The following ADAMTS3 variants were observed in gnomAD, a reference collection of about 807,000 sequenced individuals.
The protein encoded by ADAMTS3 is ADAM metallopeptidase with thrombospondin type 1 motif 3.
A neutral mutation model predicts 129.0 loss-of-function variants in ADAMTS3; 73 were observed. The observed-to-expected ratio is 0.57, with a 90% CI of 0.47 to 0.69. The LOEUF (loss-of-function observed/expected upper bound fraction) is 0.69. Among genes scored for constraint, ADAMTS3 ranks in the 30% least tolerant of loss-of-function variants. ADAMTS3 has a pLI of 0.00. For synonymous variants in ADAMTS3, 477 were observed against 510.8 expected, an observed-to-expected ratio of 0.93 and a Z score of 0.89; for missense variants, 1,457 against 1,514.5, an observed-to-expected ratio of 0.96 and a Z score of 0.63.
intron 14 of ADAMTS3, among the ~76,000 whole-genome samples, chr4:72,310,174 G>A (rs1578570327): frequency 1.3e-5 from 2 of 152,148 alleles, no homozygotes; most frequent in East Asian, 3.9e-4. Flanking sequence ...TTGAATACCA[G>A]GAAGAATTTA....
At chr4:72,535,716 T>A (rs1410715205) in intron 3 of ADAMTS3, among the ~76,000 whole-genome samples, 1 of 152,072 alleles carries the variant, frequency 6.6e-6, no homozygotes, top group East Asian at 1.9e-4. Context: ...CCTTGCTGGA[T>A]GCTTGTTTTT....
intron 3 of ADAMTS3, among the ~76,000 whole-genome samples, chr4:72,421,314 C>A (rs1293484446): frequency 6.6e-6 from 1 of 152,194 alleles, no homozygotes; most frequent in East Asian, 1.9e-4. Flanking sequence ...AGGTGATTGC[C>A]TGGCCCAATT....
chr4:72,379,201 C>T (rs1370167670), intron 4 of ADAMTS3, among the ~76,000 whole-genome samples: 2 of 151,978 alleles, frequency 1.3e-5, no homozygotes, highest in African/African-American at 2.4e-5. Context: ...CTATTCAGGG[C>T]GTGTACACCT....
chr4:72,550,047 AAGAGGAAGAGGAAGAGGAAGAG>A (rs1560564157), intron 2 of ADAMTS3, among the ~76,000 whole-genome samples: 1,791 of 18,282 alleles, frequency 0.098, 430 homozygotes, highest in Admixed American at 0.15. Context: ...GAAGAAGAGG[AAGAGGAAGAGGAAGAGGAAGAG>A]GAAGAGGAAG....
chr4:72,358,423 T>C (rs976379297), intron 4 of ADAMTS3, among the ~76,000 whole-genome samples: 2 of 152,004 alleles, frequency 1.3e-5, no homozygotes, highest in African/African-American at 4.8e-5. Context: ...GAAGCACTCC[T>C]GCAGGTCCCG....
chr4:72,526,647 CAGA>C (rs1429655993), intron 3 of ADAMTS3, among the ~76,000 whole-genome samples: 2 of 140,332 alleles, frequency 1.4e-5, no homozygotes, highest in Non-Finnish European at 3.1e-5. Flanking sequence ...TCAAAATACC[CAGA>C]AGGACTTTTA....
chr4:72,519,066 G>A (rs1031953420), intron 3 of ADAMTS3, among the ~76,000 whole-genome samples: 5 of 150,270 alleles, frequency 3.3e-5, no homozygotes, highest in African/African-American at 1.2e-4. Context: ...TTGCTTGTCT[G>A]TAAAGGATTT....
At chr4:72,554,644 C>T (rs1057292777) in intron 2 of ADAMTS3, among the ~76,000 whole-genome samples, 5 of 151,818 alleles carry the variant, frequency 3.3e-5, no homozygotes, top group African/African-American at 9.7e-5. Flanking sequence ...TCAAGTCCTA[C>T]TGCTGTTTCT....
At chr4:72,440,044 C>A (rs2109959104) in intron 3 of ADAMTS3, among the ~76,000 whole-genome samples, 1 of 151,772 alleles carries the variant, frequency 6.6e-6, no homozygotes, top group East Asian at 2.0e-4. Context: ...TTTTCTACTT[C>A]AAATAGGAAT....
intron 3 of ADAMTS3, among the ~76,000 whole-genome samples, chr4:72,469,298 T>A (rs1186743062): frequency 6.6e-6 from 1 of 152,116 alleles, no homozygotes; most frequent in Non-Finnish European, 1.5e-5. Context: ...ATGGTAGTAT[T>A]CCATGGGTTG....
At chr4:72,412,815 C>T (rs902770681) in intron 4 of ADAMTS3, among the ~76,000 whole-genome samples, 2 of 152,042 alleles carry the variant, frequency 1.3e-5, no homozygotes, top group African/African-American at 2.4e-5. Context: ...TAGTTGGTGG[C>T]CTACTTCAAC....
At chr4:72,424,829 T>A (rs1578667876) in intron 3 of ADAMTS3, among the ~76,000 whole-genome samples, 3 of 152,298 alleles carry the variant, frequency 2.0e-5, no homozygotes, top group Admixed American at 2.0e-4. Context: ...CAAATCTGTA[T>A]CCTACTTGTA....
At chr4:72,310,450 A>C (rs552848039) in intron 14 of ADAMTS3, among the ~76,000 whole-genome samples, 2 of 152,098 alleles carry the variant, frequency 1.3e-5, no homozygotes, top group Non-Finnish European at 2.9e-5. Context: ...GTTTTGATGA[A>C]GTATAAAGGA....
At chr4:72,474,157 A>G (rs961901462) in intron 3 of ADAMTS3, among the ~76,000 whole-genome samples, 5 of 152,222 alleles carry the variant, frequency 3.3e-5, no homozygotes, top group Admixed American at 3.3e-4. Context: ...GTCCAGATAT[A>G]AGTCAAAAAT....
intron 3 of ADAMTS3, among the ~76,000 whole-genome samples, chr4:72,420,070 GA>G (rs200761636): frequency 5.3e-5 from 8 of 150,622 alleles, no homozygotes; most frequent in Non-Finnish European, 7.4e-5. Flanking sequence ...GTGATTTCAG[GA>G]AAAAAAAAGT....
At chr4:72,345,518 G>A (rs934340754) in intron 4 of ADAMTS3, among the ~76,000 whole-genome samples, 3 of 152,068 alleles carry the variant, frequency 2.0e-5, no homozygotes, top group African/African-American at 7.2e-5. Flanking sequence ...AAATGTTTCC[G>A]TGAAAAGGAG....
intron 3 of ADAMTS3, among the ~76,000 whole-genome samples, chr4:72,489,772 G>T (rs1719691751): frequency 6.6e-6 from 1 of 151,694 alleles, no homozygotes; most frequent in South Asian, 2.1e-4. Context: ...GCATGTATGT[G>T]CAGGAAAAAA....
At chr4:72,526,964 G>A (rs928439120) in intron 3 of ADAMTS3, among the ~76,000 whole-genome samples, 1 of 151,910 alleles carries the variant, frequency 6.6e-6, no homozygotes, top group African/African-American at 2.4e-5. Flanking sequence ...TTTCTAATCT[G>A]TAAGTGGCAA....
At chr4:72,461,117 CG>C (rs770064392) in intron 3 of ADAMTS3, among the ~76,000 whole-genome samples, 4 of 151,540 alleles carry the variant, frequency 2.6e-5, no homozygotes, top group Non-Finnish European at 3.0e-5. Context: ...GCTCCCAATA[CG>C]GGAGTCTCAT....
Sources: gnomAD v4.1 joint callset for allele counts (sites outside exome capture counted in the v4.1 genomes callset) on GRCh38, gnomAD v4.1.1 for gene constraint, MANE v1.5 for transcripts, NCBI Gene and HGNC (gene_info 2026-07-23, HGNC 2026-07-21) for gene names.